Variants in BLTP3A observed in about 807,000 individuals in gnomAD.
The protein encoded by BLTP3A is bridge-like lipid transfer protein family member 3A.
the BLTP3A span, among the ~76,000 whole-genome samples, chr6:34,829,758 T>C: frequency 6.6e-6 from 1 of 151,540 alleles, no homozygotes; most frequent in Non-Finnish European, 1.5e-5. Flanking sequence ...CCTCAGCCTT[T>C]GGAGTAGTTG....
chr6:34,821,858 A>T, the BLTP3A span: 1 of 1,614,102 alleles, frequency 6.2e-7, no homozygotes, highest in Non-Finnish European at 8.5e-7. Context: ...TTTGGCCAGT[A>T]GGCCTGCTTT....
the BLTP3A span, among the ~76,000 whole-genome samples, chr6:34,831,213 C>T: frequency 1.3e-5 from 2 of 151,798 alleles, no homozygotes; most frequent in East Asian, 3.9e-4. Flanking sequence ...CTGCAACCTC[C>T]ACCTCCTGGG....
chr6:34,867,617 G>T, the BLTP3A span: 1 of 1,611,778 alleles, frequency 6.2e-7, no homozygotes, highest in Non-Finnish European at 8.5e-7. Context: ...CAGTGCCCAG[G>T]TAAGGATGGT....
At chr6:34,849,979 A>G in the BLTP3A span, among the ~76,000 whole-genome samples, 1 of 152,006 alleles carries the variant, frequency 6.6e-6, no homozygotes, top group Non-Finnish European at 1.5e-5. Context: ...TGTCTCTACT[A>G]AAAGAAATAC....
At chr6:34,806,028 A>G in the BLTP3A span, among the ~76,000 whole-genome samples, 3 of 152,320 alleles carry the variant, frequency 2.0e-5, no homozygotes, top group African/African-American at 7.2e-5. Flanking sequence ...TTTCATATTT[A>G]CAGATGATAG....
the BLTP3A span, among the ~76,000 whole-genome samples, chr6:34,844,666 T>C: frequency 2.0e-5 from 3 of 152,344 alleles, no homozygotes; most frequent in South Asian, 2.1e-4. Context: ...CTTCTTTTGA[T>C]ACATGTCTAT....
the BLTP3A span, among the ~76,000 whole-genome samples, chr6:34,870,166 G>GT: frequency 6.6e-6 from 1 of 151,864 alleles, no homozygotes; most frequent in African/African-American, 2.4e-5. Flanking sequence ...TTGTTTGTTT[G>GT]TTTGTTTTTC....
the BLTP3A span, among the ~76,000 whole-genome samples, chr6:34,823,852 T>C: frequency 1.1e-4 from 16 of 152,122 alleles, no homozygotes; most frequent in Admixed American, 1.0e-3. Flanking sequence ...TTCTTTTTTC[T>C]TTTTCCTGCC....
chr6:34,801,529 A>G, the BLTP3A span, among the ~76,000 whole-genome samples: 1 of 152,012 alleles, frequency 6.6e-6, no homozygotes, highest in South Asian at 2.1e-4. Context: ...CGTTTGGTGA[A>G]TGGGGGGCCG....
the BLTP3A span, among the ~76,000 whole-genome samples, chr6:34,859,728 C>G: frequency 5.3e-5 from 8 of 152,078 alleles, no homozygotes; most frequent in Non-Finnish European, 1.0e-4. Context: ...AGTTTTCAAG[C>G]CAATATTTAT....
chr6:34,855,789 A>G, the BLTP3A span: 1 of 1,589,094 alleles, frequency 6.3e-7, no homozygotes, highest in Non-Finnish European at 8.6e-7. Context: ...ACCGCTTAAC[A>G]GGAGGTTGCC....
At chr6:34,858,879 G>C in the BLTP3A span, 1 of 1,614,190 alleles carries the variant, frequency 6.2e-7, no homozygotes, top group South Asian at 1.1e-5. Flanking sequence ...TGCTTCGCCT[G>C]AAGGAGGTGC....
chr6:34,796,592 T>C, the BLTP3A span, among the ~76,000 whole-genome samples: 14 of 152,358 alleles, frequency 9.2e-5, no homozygotes, highest in African/African-American at 3.1e-4. Context: ...TTTTCTTGTT[T>C]TACGTGACCT....
chr6:34,810,699 G>A, the BLTP3A span, among the ~76,000 whole-genome samples: 1 of 152,080 alleles, frequency 6.6e-6, no homozygotes. Flanking sequence ...AAACTCCTGG[G>A]CTCAAGCATT....
chr6:34,799,709 G>GT, the BLTP3A span, among the ~76,000 whole-genome samples: 15 of 152,274 alleles, frequency 9.9e-5, no homozygotes, highest in African/African-American at 3.6e-4. Context: ...CATTCAGCAA[G>GT]TTTTTTAGCT....
the BLTP3A span, among the ~76,000 whole-genome samples, chr6:34,864,811 T>C: frequency 1.3e-5 from 2 of 151,900 alleles, no homozygotes; most frequent in African/African-American, 4.8e-5. Context: ...CTACTAAAAA[T>C]AGAAAAATTA....
chr6:34,823,120 A>G, the BLTP3A span: 1 of 683,692 alleles, frequency 1.5e-6, no homozygotes, highest in Non-Finnish European at 2.6e-6. Flanking sequence ...CACTCAGTAA[A>G]TATTTATTGT....
chr6:34,805,735 CAAAAAAA>C, the BLTP3A span, among the ~76,000 whole-genome samples: 13 of 73,732 alleles, frequency 1.8e-4, no homozygotes, highest in South Asian at 4.5e-4. Flanking sequence ...GACCCTATCT[CAAAAAAA>C]AAAAAAAAAA....
the BLTP3A span, chr6:34,867,559 A>T: frequency 1.2e-6 from 2 of 1,613,708 alleles, no homozygotes; most frequent in African/African-American, 2.7e-5. Flanking sequence ...AGAGGAACTG[A>T]CCCTCCAGCA....
Sources: gnomAD v4.1 joint callset for allele counts (sites outside exome capture counted in the v4.1 genomes callset) on GRCh38, gnomAD v4.1.1 for gene constraint, MANE v1.5 for transcripts, NCBI Gene and HGNC (gene_info 2026-07-23, HGNC 2026-07-21) for gene names.